The following DCDC2 variants were observed in gnomAD, a reference collection of about 807,000 sequenced individuals.
DCDC2 encodes the protein doublecortin domain containing 2.
Under a neutral mutation model 50.2 loss-of-function variants are expected in DCDC2, and 40 were observed. That is an observed-to-expected ratio of 0.80 (90% confidence interval 0.62 to 1.04). The LOEUF (loss-of-function observed/expected upper bound fraction) is 1.04, where lower values mean the gene tolerates loss of function less well. Among genes scored for constraint, DCDC2 ranks in the 50% least tolerant of loss-of-function variants. The pLI is 0.00. For missense variants in DCDC2, 570 were observed against 581.9 expected (o/e 0.98, Z 0.21); for synonymous variants, 234 against 210.6 (o/e 1.11, Z -0.96).
At chr6:24,333,503 T>C (rs1343279394) in intron 2 of DCDC2, among the ~76,000 whole-genome samples, 3 of 152,178 alleles carry the variant, frequency 2.0e-5, no homozygotes, top group African/African-American at 7.2e-5. Flanking sequence ...GTACTTATCT[T>C]TGCTATCTCT....
chr6:24,235,564 T>C lies in DCDC2; in HGVS notation c.923-30462A>G, dbSNP rs1367681489. ...ACAAAAAACCATATGATCATCTCAA[T>C]AGATAAAATAAAAGCTTTTGATCAA... On this transcript the variant is annotated intron_variant, in intron 7 of 9. Transcript: ENST00000378454. Among the ~76,000 whole-genome samples the C allele has an allele frequency of 6.6e-5, 10 of 152,226 alleles. No homozygotes were observed. In the South Asian group the frequency reaches 2.1e-3, roughly 32 times the overall value.
At chr6:24,266,345 G>T (rs1763122027) in intron 7 of DCDC2, among the ~76,000 whole-genome samples, 1 of 152,030 alleles carries the variant, frequency 6.6e-6, no homozygotes, top group African/African-American at 2.4e-5. Context: ...AAGTTAAAAA[G>T]CTTCTACACA....
chr6:24,213,027 T>C (rs1761903878), intron 7 of DCDC2, among the ~76,000 whole-genome samples: 2 of 152,212 alleles, frequency 1.3e-5, no homozygotes, highest in African/African-American at 4.8e-5. Flanking sequence ...ATTACAATTA[T>C]TTAACATTCT....
chr6:24,235,745 C>A (rs895772033), intron 7 of DCDC2, among the ~76,000 whole-genome samples: 1 of 152,124 alleles, frequency 6.6e-6, no homozygotes, highest in South Asian at 2.1e-4. Context: ...TGGAACAAGA[C>A]AAGCCTGCCC....
At chr6:24,178,699 T>C (rs1561878964) in intron 8 of DCDC2, 67 bp from the exon 9 acceptor site, 7 of 1,415,248 alleles carry the variant, frequency 4.9e-6, no homozygotes, top group Non-Finnish European at 6.8e-6. Flanking sequence ...CTGCACATCA[T>C]AGTAATGTAA....
At chr6:24,316,185 C>T (rs1759656855) in intron 2 of DCDC2, among the ~76,000 whole-genome samples, 2 of 152,048 alleles carry the variant, frequency 1.3e-5, no homozygotes, top group Admixed American at 1.3e-4. Context: ...GCTGGGGCTC[C>T]ATGAAGTCAG....
intron 2 of DCDC2, among the ~76,000 whole-genome samples, chr6:24,332,814 T>C (rs1436305782): frequency 6.6e-6 from 1 of 152,086 alleles, no homozygotes; most frequent in Non-Finnish European, 1.5e-5. Flanking sequence ...CACACACACA[T>C]ATTTCTGTGC....
At chr6:24,332,158 A>G (rs1403484342) in intron 2 of DCDC2, among the ~76,000 whole-genome samples, 1 of 152,200 alleles carries the variant, frequency 6.6e-6, no homozygotes, top group African/African-American at 2.4e-5. Context: ...GGCCACAGCA[A>G]TATTTCTGGC....
At chr6:24,358,980 A>ATT (rs1561788711), upstream of DCDC2, among the ~76,000 whole-genome samples, 236 of 16,050 alleles carry the variant, frequency 0.015, 3 homozygotes, top group African/African-American at 0.057. Context: ...TATTTTATAC[A>ATT]TTATATATTA....
the DCDC2 span, among the ~76,000 whole-genome samples, chr6:24,376,664 AT>A: frequency 7.4e-6 from 1 of 135,770 alleles, no homozygotes; most frequent in Admixed American, 8.2e-5. Context: ...ATGCTTATTA[AT>A]TTTTGCCCAT....
Position 24,357,863 on chromosome 6 carries a change from A to C in DCDC2, c.-113T>G. 1.3e-6 allele frequency: 2 copies of C among 1,583,464 alleles called. No homozygotes were observed. Among genetic ancestry groups the C allele is most frequent in the Non-Finnish European group, 1.7e-6 (2 of 1,163,984 alleles). ...GGATCGCCTCCTGAAACGAACGAGA[A>C]ACTGACGAATCCACAGGTGAAAGAG... is the stretch of plus-strand genomic sequence containing the variant. On this transcript the variant is annotated 5_prime_UTR_variant, in exon 1 of 10. Coordinates refer to ENST00000378454, the MANE Select transcript of DCDC2 (RefSeq NM_016356.5).
chr6:24,211,308 T>C lies in DCDC2; in HGVS notation c.923-6206A>G, dbSNP rs562682108. Among the ~76,000 whole-genome samples, 8 of 151,884 alleles carry C rather than the reference T, an allele frequency of 5.3e-5. No individual in the cohort carries two copies. In the South Asian group the frequency reaches 1.7e-3, roughly 32 times the overall value. On this transcript the variant is annotated intron_variant, in intron 7 of 9. Coordinates refer to ENST00000378454, the MANE Select transcript of DCDC2 (RefSeq NM_016356.5). ...GGCAGTATAGCATTTGGATGGAGGGTAGAGAGGAGAACAAAGGGAACTGAC... is the reference window on the plus strand; with the variant it reads ...GGCAGTATAGCATTTGGATGGAGGGCAGAGAGGAGAACAAAGGGAACTGAC...
chr6:24,265,339 A>T (rs1763096461), intron 7 of DCDC2, among the ~76,000 whole-genome samples: 1 of 152,174 alleles, frequency 6.6e-6, no homozygotes. Context: ...CAACACCCCC[A>T]CTTTCATTAT....
chr6:24,325,325 A>G (rs368465660), intron 2 of DCDC2, among the ~76,000 whole-genome samples: 4 of 149,802 alleles, frequency 2.7e-5, no homozygotes, highest in African/African-American at 9.7e-5. Flanking sequence ...AAGGAAAATC[A>G]GCATGGAATG....
chr6:24,196,837 A>G (rs1450723993), intron 8 of DCDC2, among the ~76,000 whole-genome samples: 1 of 152,216 alleles, frequency 6.6e-6, no homozygotes, highest in Non-Finnish European at 1.5e-5. Flanking sequence ...CTATTGTTTA[A>G]TGCAGATCAC....
chr6:24,379,745 G>A, the DCDC2 span, among the ~76,000 whole-genome samples: 628 of 152,226 alleles, frequency 4.1e-3, 5 homozygotes, highest in Non-Finnish European at 5.0e-3. Flanking sequence ...GTACACGAAT[G>A]TTTATTGGGC....
chr6:24,183,771 C>T (rs1018474744), intron 8 of DCDC2, among the ~76,000 whole-genome samples: 3 of 151,980 alleles, frequency 2.0e-5, no homozygotes, highest in Admixed American at 6.6e-5. Context: ...GATCAAAGAG[C>T]GCAGAGCAGA....
the DCDC2 span, among the ~76,000 whole-genome samples, chr6:24,369,608 CAAA>C: frequency 7.5e-6 from 1 of 133,436 alleles, no homozygotes; most frequent in Non-Finnish European, 1.6e-5. Context: ...GACTCCGTCT[CAAA>C]AAAAAAAATA....
intron 7 of DCDC2, among the ~76,000 whole-genome samples, chr6:24,228,211 C>G (rs906804782): frequency 1.3e-5 from 2 of 152,188 alleles, no homozygotes; most frequent in Non-Finnish European, 2.9e-5. Context: ...TTTTTGGAAT[C>G]TGGAAGGCTC....
Sources: allele counts gnomAD v4.1 joint callset (sites outside exome capture counted in the v4.1 genomes callset), GRCh38; gene constraint gnomAD v4.1.1; transcripts MANE v1.5; gene names NCBI Gene and HGNC (gene_info 2026-07-23, HGNC 2026-07-21).